PTPN4: variants seen among roughly 807,000 people sequenced by gnomAD.
PTPN4 encodes protein tyrosine phosphatase non-receptor type 4.
Under a neutral mutation model 135.5 loss-of-function variants are expected in PTPN4, and 49 were observed. The ratio of observed to expected loss-of-function variants is 0.36; its 90% CI spans 0.29 to 0.46. The LOEUF is 0.46. Ranked by LOEUF, PTPN4 falls within the 20% of genes least tolerant of loss-of-function variation. PTPN4 has a pLI of 1.00. For missense variants in PTPN4, 860 were observed against 1,101.0 expected (o/e 0.78, Z 3.10); for synonymous variants, 333 against 369.9 (o/e 0.90, Z 1.14).
chr2:119,801,404 G>T (rs1691365050), intron 1 of PTPN4, among the ~76,000 whole-genome samples: 1 of 152,192 alleles, frequency 6.6e-6, no homozygotes, highest in Admixed American at 6.5e-5. Flanking sequence ...ATTAATTTTA[G>T]AATAAAATTA....
chr2:119,906,246 G>A (rs561272002), intron 10 of PTPN4, among the ~76,000 whole-genome samples: 16 of 152,272 alleles, frequency 1.1e-4, no homozygotes, highest in African/African-American at 2.4e-4. Context: ...GCACATGCCT[G>A]TAGTCCTGGG....
chr2:119,925,302 G>A (rs1472766842), intron 12 of PTPN4, among the ~76,000 whole-genome samples: 1 of 152,146 alleles, frequency 6.6e-6, no homozygotes, highest in Non-Finnish European at 1.5e-5. Context: ...CTAGAAAATG[G>A]AATTTGTTTA....
chr2:119,909,194 A>C (rs1678532514), intron 10 of PTPN4, among the ~76,000 whole-genome samples: 1 of 152,190 alleles, frequency 6.6e-6, no homozygotes, highest in Non-Finnish European at 1.5e-5. Flanking sequence ...ACAGCCTTCT[A>C]TTGGAAGAAG....
chr2:119,839,444 C>A (rs989824397), intron 2 of PTPN4, among the ~76,000 whole-genome samples: 2 of 152,194 alleles, frequency 1.3e-5, no homozygotes, highest in Non-Finnish European at 2.9e-5. Flanking sequence ...ACAAAACTTT[C>A]AAACACATAA....
chr2:119,890,663 C>T (rs1678227382), intron 9 of PTPN4, among the ~76,000 whole-genome samples: 1 of 151,958 alleles, frequency 6.6e-6, no homozygotes, highest in Admixed American at 6.6e-5. Context: ...TCTCTTCCTC[C>T]TTTATATTTC....
chr2:119,954,900 T>TA (rs1427075923), intron 19 of PTPN4, among the ~76,000 whole-genome samples: 1 of 152,194 alleles, frequency 6.6e-6, no homozygotes, highest in Non-Finnish European at 1.5e-5. Context: ...TCTTCTTTCT[T>TA]ACTGTCTCTT....
chr2:119,795,870 C>T (rs945431469), intron 1 of PTPN4, among the ~76,000 whole-genome samples: 25 of 152,118 alleles, frequency 1.6e-4, no homozygotes, highest in South Asian at 2.1e-4. Flanking sequence ...GTGACTTGCC[C>T]GGCCCCATCG....
intron 2 of PTPN4, among the ~76,000 whole-genome samples, chr2:119,842,428 A>G (rs892320381): frequency 1.3e-5 from 2 of 152,208 alleles, no homozygotes; most frequent in African/African-American, 4.8e-5. Flanking sequence ...ATAAAAGTAG[A>G]AAGAATTGTA....
chr2:119,905,856 A>G (rs1374487827), intron 10 of PTPN4, among the ~76,000 whole-genome samples: 2 of 152,204 alleles, frequency 1.3e-5, no homozygotes, highest in Non-Finnish European at 2.9e-5. Context: ...CACTCTCCTG[A>G]AAGACTGTTG....
intron 3 of PTPN4, among the ~76,000 whole-genome samples, chr2:119,862,857 A>G (rs1403374213): frequency 1.3e-5 from 2 of 152,078 alleles, no homozygotes; most frequent in Admixed American, 6.5e-5. Context: ...ATGTCAGGTA[A>G]TGTCACTTTC....
intron 26 of PTPN4, among the ~76,000 whole-genome samples, chr2:119,969,714 A>T (rs1679500781): frequency 6.6e-6 from 1 of 151,920 alleles, no homozygotes; most frequent in Non-Finnish European, 1.5e-5. Flanking sequence ...ACCCGCCACC[A>T]TGCCCTGCTA....
chr2:119,781,347 A>G (rs781147301), intron 1 of PTPN4, among the ~76,000 whole-genome samples: 8 of 152,178 alleles, frequency 5.3e-5, no homozygotes, highest in Non-Finnish European at 7.4e-5. Context: ...AGATTAACCA[A>G]TGCCTCTAAT....
intron 15 of PTPN4, among the ~76,000 whole-genome samples, chr2:119,939,195 GC>G (rs1679027878): frequency 6.6e-6 from 1 of 152,204 alleles, no homozygotes. Flanking sequence ...TGAAGTGTGA[GC>G]ATCTGGTTGA....
At chr2:119,847,315 C>CACACACAT (rs1377379334) in intron 2 of PTPN4, among the ~76,000 whole-genome samples, 69 of 94,492 alleles carry the variant, frequency 7.3e-4, no homozygotes, top group South Asian at 4.1e-3. Context: ...CACACACACA[C>CACACACAT]ATATATATAT....
chr2:119,956,243 T>TA (rs1479153098), intron 20 of PTPN4, among the ~76,000 whole-genome samples: 1 of 143,902 alleles, frequency 6.9e-6, no homozygotes, highest in Non-Finnish European at 1.5e-5. Flanking sequence ...CTGAATTTTT[T>TA]TTTTTTTTTT....
intron 3 of PTPN4, among the ~76,000 whole-genome samples, chr2:119,866,595 T>C (rs1291995139): frequency 6.6e-6 from 1 of 152,120 alleles, no homozygotes; most frequent in Non-Finnish European, 1.5e-5. Context: ...ATTATGAAAA[T>C]CACTACTCTA....
intron 2 of PTPN4, among the ~76,000 whole-genome samples, chr2:119,830,218 G>T (rs1449510138): frequency 6.6e-6 from 1 of 152,080 alleles, no homozygotes; most frequent in Non-Finnish European, 1.5e-5. Flanking sequence ...TGAGGTAGGG[G>T]TCCAATTTAT....
chr2:119,823,183 C>G (rs1677095083), intron 2 of PTPN4, among the ~76,000 whole-genome samples: 2 of 151,486 alleles, frequency 1.3e-5, no homozygotes, highest in Non-Finnish European at 1.5e-5. Flanking sequence ...CTCCTTATTT[C>G]AAGGAAAGCT....
At chr2:119,871,855 C>T (rs960757753) in intron 3 of PTPN4, among the ~76,000 whole-genome samples, 3 of 152,166 alleles carry the variant, frequency 2.0e-5, no homozygotes, top group East Asian at 1.9e-4. Flanking sequence ...AAATTGCTGA[C>T]ACCCTATGCC....
Sources: allele counts gnomAD v4.1 joint callset (sites outside exome capture counted in the v4.1 genomes callset), GRCh38; gene constraint gnomAD v4.1.1; transcripts MANE v1.5; gene names NCBI Gene and HGNC (gene_info 2026-07-23, HGNC 2026-07-21).